HMGN5: variants seen among roughly 807,000 people sequenced by gnomAD.
HMGN5 encodes the protein high mobility group nucleosome-binding domain-containing protein 5.
Under a neutral mutation model 9.5 loss-of-function variants are expected in HMGN5, and 4 were observed. The ratio of observed to expected loss-of-function variants is 0.42; its 90% confidence interval spans 0.21 to 0.96. The LOEUF is 0.96. Among genes scored for constraint, HMGN5 ranks in the 40% least tolerant of loss-of-function variants. HMGN5 has a pLI of 0.30. For missense variants in HMGN5, 192 were observed against 187.5 expected, an observed-to-expected ratio of 1.02 and a Z score of -0.14; for synonymous variants, 55 against 57.1, an observed-to-expected ratio of 0.96 and a Z score of 0.16.
In HMGN5 at chrX:81,114,335, G is replaced by T. The variant is rs41300259; in HGVS notation, c.*314C>A. On this transcript the variant is annotated 3_prime_UTR_variant, in exon 7 of 7. Coordinates refer to ENST00000358130, the MANE Select transcript of HMGN5 (RefSeq NM_030763.3). ...CTTTTTTTGGGATCCCTCACTTTAT[G>T]AAATTATCACATGTATAAAAGAGTA... The T allele has an allele frequency of 3.6e-3, 507 of 141,997 alleles. 4 individuals carry two copies. The highest frequency in any genetic ancestry group is 0.035 in the Admixed American group (398 of 11,435). The allele number at this position is 141,997 out of a possible 1,213,427, so 11.7% of individuals were successfully genotyped here.
At chrX:81,161,324 G>A (rs12391369) in intron 1 of HMGN5, among the ~76,000 whole-genome samples, 1 of 111,098 alleles carries the variant, frequency 9.0e-6, no homozygotes, top group East Asian at 2.8e-4. Flanking sequence ...TTTACTGCCA[G>A]ATATATGAAT....
intron 1 of HMGN5, among the ~76,000 whole-genome samples, chrX:81,166,203 C>T (rs995757298): frequency 1.8e-5 from 2 of 111,081 alleles, no homozygotes; most frequent in Non-Finnish European, 3.8e-5. Flanking sequence ...AGGAGAATTG[C>T]TATATCAGAC....
chrX:81,201,250 C>T (rs1284350017), intron 1 of HMGN5, among the ~76,000 whole-genome samples: 1 of 109,167 alleles, frequency 9.2e-6, no homozygotes, highest in Non-Finnish European at 1.9e-5. Flanking sequence ...AATCTGGGAA[C>T]CTAAAACTAC....
chrX:81,187,122 T>G (rs992552233), intron 1 of HMGN5, among the ~76,000 whole-genome samples: 2 of 112,136 alleles, frequency 1.8e-5, no homozygotes, highest in Non-Finnish European at 3.8e-5. Context: ...ACTGTACATA[T>G]GGTCTATCCT....
chrX:81,120,093 C>T (rs1172596148), intron 2 of HMGN5, among the ~76,000 whole-genome samples: 1 of 111,876 alleles, frequency 8.9e-6, no homozygotes, highest in East Asian at 2.8e-4. Context: ...AAAAGCAAAC[C>T]TTTGTAATTT....
At chrX:81,116,939 G>A (rs986509548) in intron 5 of HMGN5, among the ~76,000 whole-genome samples, 7 of 110,942 alleles carry the variant, frequency 6.3e-5, no homozygotes, top group Non-Finnish European at 1.3e-4. Flanking sequence ...AAAGACCACT[G>A]GATTGAGGGG....
chrX:81,190,719 G>A (rs1248690356), intron 1 of HMGN5, among the ~76,000 whole-genome samples: 3 of 111,398 alleles, frequency 2.7e-5, no homozygotes, highest in Non-Finnish European at 5.7e-5. Context: ...TTAAATTTAG[G>A]TCAGTGATCC....
intron 1 of HMGN5, among the ~76,000 whole-genome samples, chrX:81,166,604 T>C (rs779766558): frequency 1.8e-5 from 2 of 111,451 alleles, no homozygotes; most frequent in African/African-American, 3.3e-5. Flanking sequence ...CCACAACACC[T>C]AATGGAAATG....
chrX:81,165,879 A>T lies in HMGN5; in HGVS notation c.-124+35858T>A, dbSNP rs777072207. On this transcript the variant is annotated intron_variant, in intron 1 of 6. Coordinates refer to ENST00000358130, the MANE Select transcript of HMGN5 (RefSeq NM_030763.3). Reference sequence around the variant, plus strand: ...ATGCTCTAAATGCTAATGTAATAACAGATATCAGCTGCAGTTAATTGGTGA... The same window carrying T: ...ATGCTCTAAATGCTAATGTAATAACTGATATCAGCTGCAGTTAATTGGTGA... Among the ~76,000 whole-genome samples the T allele has an allele frequency of 5.4e-5, 6 of 111,864 alleles. No individual in the cohort carries two copies. In the South Asian group the frequency reaches 2.2e-3, roughly 42 times the overall value.
chrX:81,173,241 T>C (rs73631725), intron 1 of HMGN5, among the ~76,000 whole-genome samples: 3,779 of 111,034 alleles, frequency 0.034, 166 homozygotes, highest in African/African-American at 0.12. Flanking sequence ...TGAGAAGGTT[T>C]CAGGATACAG....
intron 1 of HMGN5, among the ~76,000 whole-genome samples, chrX:81,150,257 A>T (rs2075357026): frequency 1.8e-5 from 2 of 111,963 alleles, no homozygotes; most frequent in Non-Finnish European, 3.8e-5. Flanking sequence ...AACATAAGGA[A>T]TTTTGGGAAC....
At chrX:81,170,048 C>T (rs1019169414) in intron 1 of HMGN5, among the ~76,000 whole-genome samples, 1 of 89,433 alleles carries the variant, frequency 1.1e-5, no homozygotes. Flanking sequence ...AGTGAGACCC[C>T]GTCTCAAAAA....
At chrX:81,130,924 A>G (rs1193977692) in intron 1 of HMGN5, among the ~76,000 whole-genome samples, 1 of 111,243 alleles carries the variant, frequency 9.0e-6, no homozygotes, top group Non-Finnish European at 1.9e-5. Flanking sequence ...TGTGAAAAAC[A>G]TTATGGGGAC....
intron 1 of HMGN5, among the ~76,000 whole-genome samples, chrX:81,186,945 C>G (rs900007227): frequency 1.8e-5 from 2 of 111,604 alleles, no homozygotes; most frequent in African/African-American, 6.5e-5. Flanking sequence ...TTCCTAATTT[C>G]TTTACTGATC....
intron 1 of HMGN5, among the ~76,000 whole-genome samples, chrX:81,134,789 A>G (rs961922758): frequency 1.8e-5 from 2 of 112,132 alleles, no homozygotes; most frequent in South Asian, 7.2e-4. Flanking sequence ...TCAATGGAAT[A>G]GAACTCAGAA....
intron 1 of HMGN5, among the ~76,000 whole-genome samples, chrX:81,147,256 T>C (rs2075347599): frequency 9.0e-6 from 1 of 111,619 alleles, no homozygotes; most frequent in Non-Finnish European, 1.9e-5. Context: ...AATAAAATAC[T>C]GGCAAACCAA....
chrX:81,122,646 G>A (rs2075272442), intron 1 of HMGN5, among the ~76,000 whole-genome samples: 1 of 111,847 alleles, frequency 8.9e-6, no homozygotes, highest in Non-Finnish European at 1.9e-5. Flanking sequence ...TATTTAAAAA[G>A]ATTGTCTAAA....
chrX:81,117,182 C>T (rs1185039873), intron 5 of HMGN5, among the ~76,000 whole-genome samples: 1 of 110,490 alleles, frequency 9.1e-6, no homozygotes, highest in African/African-American at 3.3e-5. Flanking sequence ...AGAAACAGAG[C>T]CAAGGAGGGT....
rs139647341 is a variant in HMGN5 at position 81,189,743 on chromosome X, C to G, written c.-124+11994G>C. Among the ~76,000 whole-genome samples, 653 of 112,038 alleles carry G rather than the reference C, an allele frequency of 5.8e-3. 3 individuals are homozygous for G. Among genetic ancestry groups the G allele is most frequent in the African/African-American group, 0.02 (628 of 30,915 alleles). ...AGTTTTTAACTCCTTTGGAGAAACA[C>G]CAAGCAGCATGATTGCTGGGTAATA... On this transcript the variant is annotated intron_variant, in intron 1 of 6. Coordinates refer to ENST00000358130, the MANE Select transcript of HMGN5 (RefSeq NM_030763.3).
Sources: allele counts gnomAD v4.1 joint callset (sites outside exome capture counted in the v4.1 genomes callset), GRCh38; gene constraint gnomAD v4.1.1; transcripts MANE v1.5; gene names NCBI Gene and HGNC (gene_info 2026-07-23, HGNC 2026-07-21).